EFEMP1: variants seen among roughly 807,000 people sequenced by gnomAD.
The protein encoded by EFEMP1 is EGF-containing fibulin-like extracellular matrix protein 1.
EFEMP1 carries 18 observed loss-of-function variants against 65.7 expected under a neutral mutation model. The ratio of observed to expected loss-of-function variants is 0.27; its 90% CI spans 0.19 to 0.41. EFEMP1 has a LOEUF of 0.41. Ranked by LOEUF, EFEMP1 falls within the 10% of genes least tolerant of loss-of-function variation. The pLI is 1.00. For missense variants in EFEMP1, 469 were observed against 624.8 expected, an observed-to-expected ratio of 0.75 and a Z score of 2.66; for synonymous variants, 237 against 219.7, an observed-to-expected ratio of 1.08 and a Z score of -0.70.
chr2:55,897,988 A>C (rs924635481), intron 5 of EFEMP1, among the ~76,000 whole-genome samples: 8 of 152,326 alleles, frequency 5.3e-5, no homozygotes, highest in African/African-American at 1.9e-4. Context: ...TTGCAGGGTG[A>C]CTGCCTTAAA....
intron 4 of EFEMP1, 60 bp from the exon 5 acceptor site, chr2:55,918,111 A>G: frequency 6.2e-7 from 1 of 1,613,700 alleles, no homozygotes; most frequent in Admixed American, 1.7e-5. Context: ...AAACATGTAA[A>G]TATAATGCTC....
In EFEMP1 at chr2:55,918,032, A is replaced by G. The variant is rs1368718639; in HGVS notation, c.150T>C (p.Ile50=). 1 of 1,614,276 alleles carries G rather than the reference A, an allele frequency of 6.2e-7. No individual in the cohort carries two copies. The highest frequency in any genetic ancestry group is 1.1e-5 in the South Asian group (1 of 91,086). ...TTCCACCTTTACAAGCGTCTGGGAC[A>G]ATGTCACATTCATCAATATCTGTGG... ...QQCKDIDECD[I]VPDACKGGMK... is the part of the protein sequence containing the mutation. The change falls in exon 5 of 12, where the codon ATT becomes ATC. Residue 50 remains isoleucine (I), a synonymous_variant. Transcript: ENST00000355426.
Position 55,871,426 on chromosome 2 carries a change from C to G in EFEMP1, c.1001-303G>C, listed in dbSNP as rs143573058. On this transcript the variant is annotated intron_variant, in intron 9 of 11. Coordinates refer to ENST00000355426, the MANE Select transcript of EFEMP1 (RefSeq NM_001039348.3). The surrounding 1 kb of genome is among the most constrained non-coding windows in gnomAD (Gnocchi z 4.2). Reference sequence around the variant, plus strand: ...CTCTGCCTATATAAAAGTTAAACACCAGTTCTTGTCATCAGGGACATTATA... The same window carrying G: ...CTCTGCCTATATAAAAGTTAAACACGAGTTCTTGTCATCAGGGACATTATA... Among the ~76,000 whole-genome samples the G allele has an allele frequency of 1.6e-3, 248 of 152,206 alleles. 1 individual carries two copies. The highest frequency in any genetic ancestry group is 2.9e-3 in the Admixed American group (44 of 15,280).
At chr2:55,903,954 A>G (rs1030057789) in intron 5 of EFEMP1, among the ~76,000 whole-genome samples, 1 of 151,758 alleles carries the variant, frequency 6.6e-6, no homozygotes, top group Non-Finnish European at 1.5e-5. Flanking sequence ...ACATTCCACA[A>G]CTTTTTTTCT....
At chr2:55,899,260 A>G (rs1319063313) in intron 5 of EFEMP1, among the ~76,000 whole-genome samples, 2 of 152,160 alleles carry the variant, frequency 1.3e-5, no homozygotes, top group Non-Finnish European at 2.9e-5. Flanking sequence ...TATTGAGCTG[A>G]ATTATTTGTA....
At position 55,875,146 on chromosome 2, in the gene EFEMP1, T is replaced by C. The variant is rs55867135; in HGVS notation, c.881-81A>G. The C allele has an allele frequency of 0.15, 67,244 of 436,004 alleles. 5,376 individuals are homozygous for C. The highest frequency in any genetic ancestry group is 0.24 in the African/African-American group (10,666 of 44,784). 27.0% of individuals were successfully genotyped at this position (436,004 alleles called of 1,614,324 possible). ...TTTGGATATATATATATATATAAAT[T>C]ATATATATATATAAATTATAAGATT... On this transcript the variant is annotated intron_variant, in intron 8 of 11. Coordinates refer to ENST00000355426, the MANE Select transcript of EFEMP1 (RefSeq NM_001039348.3).
intron 5 of EFEMP1, among the ~76,000 whole-genome samples, chr2:55,901,489 A>T (rs183039872): frequency 5.9e-5 from 9 of 152,332 alleles, no homozygotes; most frequent in Admixed American, 5.2e-4. Flanking sequence ...AGGAGCTTCT[A>T]GAAACAGCCA....
At chr2:55,904,524 G>T (rs995058174) in intron 5 of EFEMP1, among the ~76,000 whole-genome samples, 1 of 152,220 alleles carries the variant, frequency 6.6e-6, no homozygotes, top group Non-Finnish European at 1.5e-5. Flanking sequence ...CCTCACCAAA[G>T]CAGGTGGATG....
chr2:55,888,152 C>T (rs1669492262), intron 5 of EFEMP1, among the ~76,000 whole-genome samples: 2 of 152,112 alleles, frequency 1.3e-5, no homozygotes, highest in South Asian at 4.1e-4. Flanking sequence ...AGCAAAGAAA[C>T]AAAGGCTTTA....
intron 5 of EFEMP1, among the ~76,000 whole-genome samples, chr2:55,903,999 C>T: frequency 6.6e-6 from 1 of 152,118 alleles, no homozygotes; most frequent in East Asian, 1.9e-4. Context: ...TCCTGTCTTT[C>T]AGGGTAAGAA....
intron 5 of EFEMP1, among the ~76,000 whole-genome samples, chr2:55,898,169 C>T (rs934190386): frequency 1.2e-4 from 18 of 152,128 alleles, no homozygotes; most frequent in Admixed American, 7.9e-4. Flanking sequence ...ATTGAAGGGC[C>T]TATTTAACTC....
rs890800399 is a variant in EFEMP1, at chr2:55,885,845, A to G, written c.518-4111T>C. Among the ~76,000 whole-genome samples, 2 of 151,984 alleles carry G rather than the reference A, an allele frequency of 1.3e-5. No homozygotes were observed. Among genetic ancestry groups the G allele is most frequent in the Non-Finnish European group, 2.9e-5 (2 of 68,000 alleles). ...GTCCCTGCTTAGGCCCTCATTCTCTATGTTTTTGGCTCCTTCCCTTCAGTC... is the reference window on the plus strand; with the variant it reads ...GTCCCTGCTTAGGCCCTCATTCTCTGTGTTTTTGGCTCCTTCCCTTCAGTC... On this transcript the variant is annotated intron_variant, in intron 5 of 11. Transcript: ENST00000355426. The surrounding 1 kb of genome is among the most constrained non-coding windows in gnomAD (Gnocchi z 4.3).
chr2:55,888,174 T>G (rs979040549), intron 5 of EFEMP1, among the ~76,000 whole-genome samples: 1 of 152,198 alleles, frequency 6.6e-6, no homozygotes, highest in African/African-American at 2.4e-5. Context: ...TTCTCATTCT[T>G]CAGCTGTTTT....
At chr2:55,918,182 G>A (rs749793524) in intron 4 of EFEMP1, 37 bp downstream of exon 4, 13 of 1,613,638 alleles carry the variant, frequency 8.1e-6, no homozygotes, top group Admixed American at 1.7e-5. Context: ...GGAGACAGAA[G>A]GCAATGATCA....
rs962610816 is a variant in EFEMP1, at chr2:55,885,955, T to C, written c.518-4221A>G. ...AATCTCTGCAATGTTCTTTCCATAA[T>C]TTGATAACTTACCACAACATGGAGT... On this transcript the variant is annotated intron_variant, in intron 5 of 11. Coordinates refer to ENST00000355426, the MANE Select transcript of EFEMP1 (RefSeq NM_001039348.3). This position sits in a 1 kb window ranked among gnomAD's most constrained non-coding sequence, Gnocchi z 4.3. Among the ~76,000 whole-genome samples, 1 of 152,224 alleles carries C rather than the reference T, an allele frequency of 6.6e-6. No homozygotes were observed. Among genetic ancestry groups the C allele is most frequent in the African/African-American group, 2.4e-5 (1 of 41,462 alleles).
chr2:55,881,497 G>A, intron 6 of EFEMP1, 115 bp downstream of exon 6: 1 of 1,349,888 alleles, frequency 7.4e-7, no homozygotes, highest in South Asian at 1.2e-5. Flanking sequence ...AAAAAAATAA[G>A]GAATTATTGG....
At chr2:55,903,565 C>A (rs929925396) in intron 5 of EFEMP1, among the ~76,000 whole-genome samples, 1 of 151,998 alleles carries the variant, frequency 6.6e-6, no homozygotes, top group African/African-American at 2.4e-5. Context: ...AACAGGATCC[C>A]CAGGGAACTG....
chr2:55,897,826 C>T (rs111370148), intron 5 of EFEMP1, among the ~76,000 whole-genome samples: 2 of 152,058 alleles, frequency 1.3e-5, no homozygotes, highest in Non-Finnish European at 2.9e-5. Flanking sequence ...TATCTACAAC[C>T]AGATTACTTT....
intron 5 of EFEMP1, among the ~76,000 whole-genome samples, chr2:55,884,225 T>C (rs778319573): frequency 1.2e-3 from 182 of 152,236 alleles, no homozygotes; most frequent in Non-Finnish European, 2.0e-3. Context: ...TTAATGTCAA[T>C]TTATTAGTTT....
Sources: gnomAD v4.1 joint callset for allele counts (sites outside exome capture counted in the v4.1 genomes callset) on GRCh38, gnomAD v4.1.1 for gene constraint, Gnocchi (gnomAD v3.1) non-coding constraint, MANE v1.5 for transcripts, NCBI Gene and HGNC (gene_info 2026-07-23, HGNC 2026-07-21) for gene names.